ZFYVE9: variants seen among roughly 807,000 people sequenced by gnomAD.
ZFYVE9 encodes the protein zinc finger FYVE-type containing 9.
ZFYVE9 carries 43 observed loss-of-function variants against 126.7 expected under a neutral mutation model. That is an observed-to-expected ratio of 0.34 (90% CI 0.27 to 0.44). ZFYVE9 has a LOEUF of 0.44. ZFYVE9 is among the 20% of genes least tolerant of loss of function. The pLI, the probability that ZFYVE9 is intolerant of heterozygous loss-of-function variation, is 1.00. For synonymous variants in ZFYVE9, 521 were observed against 597.4 expected (o/e 0.87, Z 1.87); for missense variants, 1,476 against 1,697.0 (o/e 0.87, Z 2.29).
intron 5 of ZFYVE9, among the ~76,000 whole-genome samples, chr1:52,265,550 T>C (rs1645625694): frequency 6.6e-6 from 1 of 152,250 alleles, no homozygotes; most frequent in Non-Finnish European, 1.5e-5. Context: ...ATAGGTGATG[T>C]GTCAGTATTT....
chr1:52,310,949 G>C (rs546738516), intron 13 of ZFYVE9, among the ~76,000 whole-genome samples: 2 of 152,082 alleles, frequency 1.3e-5, no homozygotes, highest in African/African-American at 4.8e-5. Flanking sequence ...TAGCTCACTG[G>C]TAGCCTCCTG....
chr1:52,315,537 T>C (rs1435738770), intron 13 of ZFYVE9, among the ~76,000 whole-genome samples: 1 of 151,982 alleles, frequency 6.6e-6, no homozygotes, highest in African/African-American at 2.4e-5. Context: ...GATATGGAAG[T>C]ATATGACATG....
Position 52,249,554 on chromosome 1 carries a change from G to T in ZFYVE9, c.2178+9959G>T, listed in dbSNP as rs6697818. Among the ~76,000 whole-genome samples the T allele has an allele frequency of 9.7e-3, 1,481 of 152,168 alleles. 21 individuals carry two copies. The highest frequency in any genetic ancestry group is 0.033 in the African/African-American group (1,380 of 41,524). ...TAATTCAGTCTCCTATCACATAAAT[G>T]ATTTGCAGATATTTTCTCTTATTCT... On this transcript the variant is annotated intron_variant, in intron 4 of 18. Transcript: ENST00000287727.
chr1:52,305,476 G>C (rs1646074259), intron 13 of ZFYVE9, among the ~76,000 whole-genome samples: 1 of 152,172 alleles, frequency 6.6e-6, no homozygotes, highest in South Asian at 2.1e-4. Flanking sequence ...CGGAGCGTTT[G>C]CTGTCCAGGA....
At chr1:52,172,184 G>A (rs1644578801) in intron 1 of ZFYVE9, among the ~76,000 whole-genome samples, 1 of 152,182 alleles carries the variant, frequency 6.6e-6, no homozygotes, top group Non-Finnish European at 1.5e-5. Flanking sequence ...TTTATAAGAT[G>A]TAAGGAAGGG....
At chr1:52,345,840 TA>T (rs1439795482) in intron 18 of ZFYVE9, 6 of 409,530 alleles carry the variant, frequency 1.5e-5, no homozygotes, top group South Asian at 1.8e-4. Flanking sequence ...CATAACAGGT[TA>T]AGTGGCTTAC....
At chr1:52,228,246 T>G (rs1374518900) in intron 2 of ZFYVE9, among the ~76,000 whole-genome samples, 1 of 152,140 alleles carries the variant, frequency 6.6e-6, no homozygotes, top group Non-Finnish European at 1.5e-5. Flanking sequence ...ACCCAGCGAA[T>G]TTTTAAAATT....
At chr1:52,281,593 T>A in intron 9 of ZFYVE9, 68 bp from the exon 10 acceptor site, 1 of 1,549,094 alleles carries the variant, frequency 6.5e-7, no homozygotes, top group South Asian at 1.2e-5. Flanking sequence ...CAGATTTCTG[T>A]GCATCTTTTT....
intron 17 of ZFYVE9, among the ~76,000 whole-genome samples, chr1:52,342,109 G>A (rs958662456): frequency 4.6e-5 from 7 of 152,114 alleles, no homozygotes; most frequent in Admixed American, 3.3e-4. Context: ...CTCCCACTCG[G>A]TCATTTCATG....
chr1:52,253,569 G>T, intron 4 of ZFYVE9: 1 of 860,162 alleles, frequency 1.2e-6, no homozygotes, highest in South Asian at 1.5e-5. Flanking sequence ...GCACAGAGCT[G>T]CTGGAGATCC....
chr1:52,158,765 C>T, intron 1 of ZFYVE9, among the ~76,000 whole-genome samples: 1 of 151,844 alleles, frequency 6.6e-6, no homozygotes, highest in East Asian at 1.9e-4. Context: ...TTCTAGGGAG[C>T]CTGGGCAATC....
At chr1:52,333,938 A>G (rs1031364952) in intron 14 of ZFYVE9, among the ~76,000 whole-genome samples, 4 of 152,134 alleles carry the variant, frequency 2.6e-5, no homozygotes, top group Non-Finnish European at 4.4e-5. Flanking sequence ...TAAAAATACA[A>G]AAAAGTTAGC....
intron 1 of ZFYVE9, chr1:52,160,229 C>T (rs954614771): frequency 8.8e-6 from 7 of 798,106 alleles, no homozygotes; most frequent in South Asian, 4.2e-5. Flanking sequence ...CATCGCATCA[C>T]GACAGGATGG....
At chr1:52,343,477 C>A (rs1005725235) in intron 17 of ZFYVE9, among the ~76,000 whole-genome samples, 1 of 151,110 alleles carries the variant, frequency 6.6e-6, no homozygotes, top group Admixed American at 6.6e-5. Flanking sequence ...TCCTTTGGGC[C>A]GGGTGCGGTG....
chr1:52,284,621 G>T (rs1260496188), intron 10 of ZFYVE9, among the ~76,000 whole-genome samples: 1 of 151,968 alleles, frequency 6.6e-6, no homozygotes, highest in African/African-American at 2.4e-5. Flanking sequence ...GGGTTTCACC[G>T]TGTTAGCCAG....
rs142938191 is a variant in ZFYVE9, at chr1:52,158,689, G to T, written c.-143+16286G>T. Among the ~76,000 whole-genome samples, 1,271 of 152,210 alleles carry T rather than the reference G, an allele frequency of 8.4e-3. 9 individuals are homozygous for T. Among genetic ancestry groups the T allele is most frequent in the Non-Finnish European group, 0.013 (918 of 68,006 alleles). ...CTCCCTTCGTAGGTGATAAGGACCTGTTTGTGAGCTACCAAAGAGCCCTCT... is the reference window on the plus strand; with the variant it reads ...CTCCCTTCGTAGGTGATAAGGACCTTTTTGTGAGCTACCAAAGAGCCCTCT... On this transcript the variant is annotated intron_variant, in intron 1 of 18. Transcript: ENST00000287727.
At chr1:52,318,370 A>ATGTGTGTGTGTGTGTG (rs59683935) in intron 13 of ZFYVE9, among the ~76,000 whole-genome samples, 55 of 144,396 alleles carry the variant, frequency 3.8e-4, no homozygotes, top group African/African-American at 1.0e-3. Flanking sequence ...GCATGATTGT[A>ATGTGTGTGTGTGTGTG]TGTGTGTGTG....
intron 5 of ZFYVE9, among the ~76,000 whole-genome samples, chr1:52,265,860 T>C (rs923949161): frequency 2.6e-5 from 4 of 152,200 alleles, no homozygotes; most frequent in Non-Finnish European, 4.4e-5. Context: ...AACTTAAAAT[T>C]TTACAGTAGA....
intron 13 of ZFYVE9, among the ~76,000 whole-genome samples, chr1:52,329,121 A>G (rs1403904541): frequency 5.3e-5 from 8 of 152,238 alleles, no homozygotes; most frequent in African/African-American, 9.6e-5. Context: ...TAAGATGTCA[A>G]TATTAAAAGT....
Sources: allele counts gnomAD v4.1 joint callset (sites outside exome capture counted in the v4.1 genomes callset), GRCh38; gene constraint gnomAD v4.1.1; transcripts MANE v1.5; gene names NCBI Gene and HGNC (gene_info 2026-07-23, HGNC 2026-07-21).